The following SCNN1B variants were observed in gnomAD, a reference collection of about 807,000 sequenced individuals.
The protein encoded by SCNN1B is sodium channel epithelial 1 subunit beta.
A neutral mutation model predicts 65.3 loss-of-function variants in SCNN1B; 46 were observed. That is an observed-to-expected ratio of 0.70 (90% CI 0.56 to 0.90). The LOEUF is 0.90. Among genes scored for constraint, SCNN1B ranks in the 40% least tolerant of loss-of-function variants. SCNN1B has a pLI of 0.00. For synonymous variants in SCNN1B, 349 were observed against 330.6 expected, an observed-to-expected ratio of 1.06 and a Z score of -0.60; for missense variants, 751 against 830.5, an observed-to-expected ratio of 0.90 and a Z score of 1.18.
intron 1 of SCNN1B, among the ~76,000 whole-genome samples, chr16:23,280,384 C>G (rs1283384585): frequency 2.6e-5 from 4 of 151,784 alleles, no homozygotes; most frequent in Non-Finnish European, 4.4e-5. Flanking sequence ...ATCACTATGC[C>G]GGCTAATTTT....
chr16:23,292,667 C>A lies in SCNN1B; in HGVS notation n.178+8863C>A, dbSNP rs561000557. ...TACAGGCACACTGTACCATGCCTGG[C>A]TAATTTTTTGATTTTTTGTTGAGAT... On this transcript the variant is annotated intron_variant and non_coding_transcript_variant, in intron 2 of 3. Transcript: ENST00000569789. Among the ~76,000 whole-genome samples, 8 of 151,772 alleles carry A rather than the reference C, an allele frequency of 5.3e-5. 1 individual carries two copies. The highest frequency in any genetic ancestry group is 1.7e-4 in the African/African-American group (7 of 41,402).
At chr16:23,361,098 T>G (rs1218380510) in intron 4 of SCNN1B, among the ~76,000 whole-genome samples, 2 of 151,210 alleles carry the variant, frequency 1.3e-5, no homozygotes, top group Non-Finnish European at 3.0e-5. Flanking sequence ...CCAGCGTAAA[T>G]TTTGTATTTT....
intron 1 of SCNN1B, among the ~76,000 whole-genome samples, chr16:23,307,568 C>T (rs1961247412): frequency 1.3e-5 from 2 of 152,104 alleles, no homozygotes; most frequent in African/African-American, 4.8e-5. Flanking sequence ...GATCTGCCCA[C>T]CTCGGACTCC....
Position 23,365,595 on chromosome 16 carries a change from A to AAG in SCNN1B, c.777-2259_777-2258dup, listed in dbSNP as rs1167134304. Among the ~76,000 whole-genome samples, 8 of 58,464 alleles carry AAG rather than the reference A, an allele frequency of 1.4e-4. No individual in the cohort carries two copies. The South Asian group carries it at 5.1e-3, about 37-fold the overall frequency. The allele number at this position is 58,464 out of a possible 152,430, so 38.4% of individuals were successfully genotyped here. A position where few individuals can be genotyped will look rare whatever the true frequency, so the allele number is the denominator to read the frequency against. ...AGAAAGAAAGAAAGAAAGAGAAAGAAAGAAAGAAAGAAAGAAAGAAAGAAA... is the reference window on the plus strand; with the variant it reads ...AGAAAGAAAGAAAGAAAGAGAAAGAAAGAGAAAGAAAGAAAGAAAGAAAGAAA... On this transcript the variant is annotated intron_variant, in intron 4 of 12. Coordinates refer to ENST00000343070, the MANE Select transcript of SCNN1B (RefSeq NM_000336.3).
chr16:23,293,387 A>G (rs1710387540), intron 2 of SCNN1B, among the ~76,000 whole-genome samples: 1 of 152,188 alleles, frequency 6.6e-6, no homozygotes, highest in South Asian at 2.1e-4. Flanking sequence ...CCCTGAAGAA[A>G]TTATGCAAAG....
intron 1 of SCNN1B, among the ~76,000 whole-genome samples, chr16:23,330,633 C>A (rs572546002): frequency 2.0e-5 from 3 of 151,926 alleles, no homozygotes; most frequent in East Asian, 3.9e-4. Context: ...AGTGCAGTGG[C>A]GCGATCATAG....
At position 23,353,076 on chromosome 16, in the gene SCNN1B, T is replaced by A; in HGVS notation, c.585+2T>A. The A allele has an allele frequency of 6.2e-7, 1 of 1,614,032 alleles. No homozygotes were observed. The highest frequency in any genetic ancestry group is 1.1e-5 in the South Asian group (1 of 91,078). ...GGGTGCAAAATGGCCATGAGACTAG[T>A]AAGTGGTCCCTGGGCACATATCAAG... On this transcript the variant is annotated splice_donor_variant, in intron 3 of 12. Coordinates refer to ENST00000343070, the MANE Select transcript of SCNN1B (RefSeq NM_000336.3). LOFTEE classifies it high-confidence loss of function.
At chr16:23,360,581 G>A (rs894715004) in intron 4 of SCNN1B, among the ~76,000 whole-genome samples, 1 of 143,912 alleles carries the variant, frequency 6.9e-6, no homozygotes, top group African/African-American at 2.6e-5. Context: ...TGTTGTTGGT[G>A]GTGGTGGTGG....
At chr16:23,293,778 C>A (rs557642295) in intron 2 of SCNN1B, among the ~76,000 whole-genome samples, 1 of 151,924 alleles carries the variant, frequency 6.6e-6, no homozygotes, top group East Asian at 1.9e-4. Context: ...AAAAAATTAG[C>A]CTGGCATGGT....
intron 2 of SCNN1B, among the ~76,000 whole-genome samples, chr16:23,296,262 G>A (rs1034645984): frequency 2.6e-5 from 4 of 152,136 alleles, no homozygotes; most frequent in African/African-American, 7.2e-5. Flanking sequence ...GAGAACTGAG[G>A]CCATCCAAGC....
chr16:23,303,776 G>A (rs997518525), intron 1 of SCNN1B, among the ~76,000 whole-genome samples: 6 of 151,816 alleles, frequency 4.0e-5, no homozygotes, highest in Non-Finnish European at 8.8e-5. Context: ...AAAATTAGCC[G>A]GGCATAGTGG....
At chr16:23,349,241 G>T (rs1157806080) in intron 2 of SCNN1B, among the ~76,000 whole-genome samples, 1 of 152,110 alleles carries the variant, frequency 6.6e-6, no homozygotes, top group East Asian at 1.9e-4. Flanking sequence ...ACTTTGAGAG[G>T]CAAAGACAGA....
chr16:23,351,924 C>G (rs1962318028), intron 2 of SCNN1B, among the ~76,000 whole-genome samples: 1 of 152,306 alleles, frequency 6.6e-6, no homozygotes, highest in South Asian at 2.1e-4. Context: ...TGGAGCCCAC[C>G]AAACCCAGAT....
rs1567318180 is a variant in SCNN1B, at chr16:23,375,731, T to G, written c.1153-7T>G. The G allele has an allele frequency of 2.5e-6, 4 of 1,600,998 alleles. No homozygotes were observed. The Middle Eastern group carries it at 5.0e-4, about 199-fold the overall frequency. On this transcript the variant is annotated splice_region_variant and splice_polypyrimidine_tract_variant and intron_variant, in intron 7 of 12. Coordinates refer to ENST00000343070, the MANE Select transcript of SCNN1B (RefSeq NM_000336.3). Reference sequence around the variant, plus strand: ...TTCTCTCCTTATGAACCCCCTACCCTCCCCAGGCCTGTCTTCGCTCCTGCT... The same window carrying G: ...TTCTCTCCTTATGAACCCCCTACCCGCCCCAGGCCTGTCTTCGCTCCTGCT...
intron 1 of SCNN1B, among the ~76,000 whole-genome samples, chr16:23,309,632 T>G (rs1372359155): frequency 6.6e-6 from 1 of 152,156 alleles, no homozygotes; most frequent in East Asian, 1.9e-4. Context: ...GCTAGGCCAG[T>G]CTAGGCTTTT....
At chr16:23,313,324 G>T (rs1478293300) in intron 1 of SCNN1B, among the ~76,000 whole-genome samples, 2 of 152,130 alleles carry the variant, frequency 1.3e-5, no homozygotes, top group African/African-American at 4.8e-5. Context: ...CCCCACAAAT[G>T]GTGGCTGGGC....
At chr16:23,365,765 T>C (rs777998065) in intron 4 of SCNN1B, among the ~76,000 whole-genome samples, 1 of 152,142 alleles carries the variant, frequency 6.6e-6, no homozygotes, top group Non-Finnish European at 1.5e-5. Flanking sequence ...CAAACATTTA[T>C]TGGGTGGAAA....
chr16:23,335,507 G>A (rs1002103415), intron 1 of SCNN1B, among the ~76,000 whole-genome samples: 4 of 149,500 alleles, frequency 2.7e-5, no homozygotes, highest in Non-Finnish European at 4.4e-5. Flanking sequence ...CCAGGCCGGA[G>A]GGCAGGCTTG....
At chr16:23,368,861 T>G (rs1043530541) in intron 5 of SCNN1B, among the ~76,000 whole-genome samples, 1 of 152,010 alleles carries the variant, frequency 6.6e-6, no homozygotes, top group Non-Finnish European at 1.5e-5. Flanking sequence ...CACGTGGATA[T>G]AGAGTGTGGA....
Sources: gnomAD v4.1 joint callset for allele counts (sites outside exome capture counted in the v4.1 genomes callset) on GRCh38, gnomAD v4.1.1 for gene constraint, MANE v1.5 for transcripts, NCBI Gene and HGNC (gene_info 2026-07-23, HGNC 2026-07-21) for gene names.